OSBPL6: variants seen among roughly 807,000 people sequenced by gnomAD.
OSBPL6 encodes oxysterol-binding protein-related protein 6.
Under a neutral mutation model 125.8 loss-of-function variants are expected in OSBPL6, and 49 were observed. The ratio of observed to expected loss-of-function variants is 0.39; its 90% CI spans 0.31 to 0.49. The LOEUF is 0.49. OSBPL6 is among the 20% of genes least tolerant of loss of function. OSBPL6 has a pLI of 0.88. For synonymous variants in OSBPL6, 394 were observed against 391.8 expected (o/e 1.01, Z -0.07); for missense variants, 986 against 1,135.4 (o/e 0.87, Z 1.89).
intron 11 of OSBPL6, chr2:178,344,161 T>A: frequency 2.6e-6 from 2 of 774,186 alleles, no homozygotes; most frequent in Non-Finnish European, 4.3e-6. Flanking sequence ...CGATGCTGAT[T>A]TAAGAAAAGT....
At chr2:178,307,574 CAAAG>C (rs1686884475) in intron 3 of OSBPL6, among the ~76,000 whole-genome samples, 1 of 151,922 alleles carries the variant, frequency 6.6e-6, no homozygotes, top group African/African-American at 2.4e-5. Flanking sequence ...CTTACAGAGT[CAAAG>C]AAAGTAAGAG....
At chr2:178,324,300 T>A in intron 4 of OSBPL6, 31 bp downstream of exon 4, 1 of 1,442,802 alleles carries the variant, frequency 6.9e-7, no homozygotes, top group Non-Finnish European at 9.5e-7. Context: ...CTTTCTCTGC[T>A]GGCATGATGC....
chr2:178,369,351 A>G (rs1345874441), intron 13 of OSBPL6, among the ~76,000 whole-genome samples: 1 of 152,212 alleles, frequency 6.6e-6, no homozygotes, highest in Admixed American at 6.5e-5. Flanking sequence ...AGAAATTCCT[A>G]TGAACCATAA....
At chr2:178,235,760 T>C (rs1296074997) in intron 1 of OSBPL6, among the ~76,000 whole-genome samples, 2 of 152,238 alleles carry the variant, frequency 1.3e-5, no homozygotes, top group African/African-American at 4.8e-5. Flanking sequence ...AGTATCAATA[T>C]GCCTATGGCT....
chr2:178,313,995 T>C (rs1200499852), intron 3 of OSBPL6, among the ~76,000 whole-genome samples: 1 of 152,218 alleles, frequency 6.6e-6, no homozygotes, highest in African/African-American at 2.4e-5. Context: ...TGTGCAAAGT[T>C]TTCATAACAA....
At chr2:178,386,752 G>GCA (rs1222264493) in intron 19 of OSBPL6, among the ~76,000 whole-genome samples, 10 of 149,698 alleles carry the variant, frequency 6.7e-5, no homozygotes. Flanking sequence ...CACACACACC[G>GCA]CACACACACT....
intron 3 of OSBPL6, among the ~76,000 whole-genome samples, chr2:178,310,660 G>T (rs552960002): frequency 6.6e-5 from 10 of 151,598 alleles, no homozygotes; most frequent in Admixed American, 1.3e-4. Context: ...CTCATGATCC[G>T]CCCACCTCGG....
intron 13 of OSBPL6, among the ~76,000 whole-genome samples, chr2:178,368,942 G>A (rs1168351981): frequency 2.6e-5 from 4 of 151,884 alleles, no homozygotes; most frequent in Admixed American, 6.6e-5. Flanking sequence ...GACTATGGGC[G>A]TGTGCCACCT....
intron 1 of OSBPL6, among the ~76,000 whole-genome samples, chr2:178,248,187 T>C (rs1329046990): frequency 1.3e-5 from 2 of 152,204 alleles, no homozygotes; most frequent in African/African-American, 4.8e-5. Flanking sequence ...ACCATATTCT[T>C]TTTTGTATAT....
At chr2:178,302,416 A>G (rs1289084854) in intron 2 of OSBPL6, among the ~76,000 whole-genome samples, 3 of 151,916 alleles carry the variant, frequency 2.0e-5, no homozygotes, top group East Asian at 3.9e-4. Context: ...ACTTTTTTTT[A>G]TGTTATAGCA....
chr2:178,275,443 C>T (rs145414669), intron 1 of OSBPL6, among the ~76,000 whole-genome samples: 1,638 of 152,124 alleles, frequency 0.011, 30 homozygotes, highest in African/African-American at 0.038. Context: ...ACCCGGAAGC[C>T]GGAGGTTGCA....
chr2:178,315,862 T>C (rs1371281951), intron 3 of OSBPL6, among the ~76,000 whole-genome samples: 1 of 152,160 alleles, frequency 6.6e-6, no homozygotes, highest in Non-Finnish European at 1.5e-5. Context: ...TCACTCAGTT[T>C]TGGAAATGAT....
chr2:178,366,825 T>G (rs1692877931), intron 13 of OSBPL6, among the ~76,000 whole-genome samples: 2 of 152,376 alleles, frequency 1.3e-5, no homozygotes, highest in Admixed American at 1.3e-4. Flanking sequence ...GAAGATACTC[T>G]TTATAGAATC....
chr2:178,352,842 C>T (rs952065826), intron 12 of OSBPL6, among the ~76,000 whole-genome samples: 7 of 152,106 alleles, frequency 4.6e-5, no homozygotes, highest in Admixed American at 1.3e-4. Flanking sequence ...CAGTAAGGGC[C>T]AACAGACACA....
chr2:178,359,543 C>T (rs1454341796), intron 12 of OSBPL6, among the ~76,000 whole-genome samples: 1 of 152,160 alleles, frequency 6.6e-6, no homozygotes, highest in Non-Finnish European at 1.5e-5. Flanking sequence ...CCAGCAGTCC[C>T]TCTTCTGGGC....
In OSBPL6 at chr2:178,339,155, G is replaced by A. The variant is rs1044808243; in HGVS notation, c.894+61G>A. ...GGTATTAATTAATACTCTTTATTGG[G>A]TTGTTCTATGAATATATAAGGTAAC... On this transcript the variant is annotated intron_variant, in intron 10 of 24. Transcript: ENST00000190611. 5.5e-5 allele frequency: 55 copies of A among 1,006,950 alleles called. No individual in the cohort carries two copies. In the Admixed American group the frequency reaches 1.0e-3, roughly 19 times the overall value. 62.4% of individuals were successfully genotyped at this position (1,006,950 alleles called of 1,614,324 possible).
At position 178,385,491 on chromosome 2, in the gene OSBPL6, T is replaced by A; in HGVS notation, c.2047T>A (p.Cys683Ser). The A allele has an allele frequency of 6.2e-7, 1 of 1,611,702 alleles. No homozygotes were observed. The highest frequency in any genetic ancestry group is 8.5e-7 in the Non-Finnish European group (1 of 1,178,198). The part of the protein sequence containing the change: ...SHHPPISACH[C>S]ESKNFVFWQD... Reference sequence around the variant, plus strand: ...TCATCCACCCATTTCTGCCTGTCACTGTGAATCAAAGAATTTTGTGTTTTG... The same window carrying A: ...TCATCCACCCATTTCTGCCTGTCACAGTGAATCAAAGAATTTTGTGTTTTG... The change falls in exon 19 of 25, where the codon TGT becomes AGT. Residue 683 changes from cysteine (C) to serine (S), a missense_variant. Physicochemically the swap from Cys to Ser is moderately radical, Grantham distance 112 (BLOSUM62 -1). This residue lies in a region of OSBPL6 where 843 missense variants were observed against 997.3 expected (regional missense o/e 0.85). Coordinates refer to ENST00000190611, the MANE Select transcript of OSBPL6 (RefSeq NM_032523.4).
Position 178,258,761 on chromosome 2 carries a change from T to A in OSBPL6, c.-350-26166T>A, listed in dbSNP as rs551875520. ...CTGCCCAGACCAGGGCTGTTTTGAC[T>A]TTTTTTTTTTTCCACTGGAGACTAC... On this transcript the variant is annotated intron_variant, in intron 1 of 24. Transcript: ENST00000190611. 5.4e-3 allele frequency among the ~76,000 whole-genome samples: 126 copies of A among 23,314 alleles called. 4 individuals are homozygous for A. Among genetic ancestry groups the A allele is most frequent in the East Asian group, 0.046 (105 of 2,282 alleles). 15.3% of individuals were successfully genotyped at this position (23,314 alleles called of 152,430 possible).
At chr2:178,225,150 A>G (rs748460062) in intron 1 of OSBPL6, among the ~76,000 whole-genome samples, 107 of 152,022 alleles carry the variant, frequency 7.0e-4, no homozygotes, top group Non-Finnish European at 1.5e-3. Flanking sequence ...AGATGCTAAT[A>G]GGCAGAAAGG....
Sources: gnomAD v4.1 joint callset for allele counts (sites outside exome capture counted in the v4.1 genomes callset) on GRCh38, gnomAD v4.1.1 for gene constraint, gnomAD v4.1.1 regional missense constraint, MANE v1.5 for transcripts, NCBI Gene and HGNC (gene_info 2026-07-23, HGNC 2026-07-21) for gene names.